SGCD: variants seen among roughly 807,000 people sequenced by gnomAD.
SGCD encodes the protein delta-sarcoglycan.
In SGCD, 18 loss-of-function variants were observed where a neutral mutation model predicts 36.6. The ratio of observed to expected loss-of-function variants is 0.49; its 90% CI spans 0.34 to 0.73. SGCD has a LOEUF of 0.73. Among genes scored for constraint, SGCD ranks in the 30% least tolerant of loss-of-function variants. SGCD has a pLI of 0.01. For missense variants in SGCD, 387 were observed against 346.7 expected (o/e 1.12, Z -0.92); for synonymous variants, 133 against 130.6 (o/e 1.02, Z -0.12).
rs1176491034 is a variant in SGCD at position 156,053,548 on chromosome 5, C to T, written c.-281-64330C>T. ...AAATTAAGAATGTAAAGACTGCAAC[C>T]ACAGAACATTAAACTCCAAGTGCAG... is the stretch of plus-strand genomic sequence containing the variant. On this transcript the variant is annotated intron_variant, in intron 1 of 9. Coordinates refer to the SGCD transcript ENST00000517913. Among the ~76,000 whole-genome samples the T allele has an allele frequency of 1.4e-5, 2 of 145,898 alleles. 1 individual carries two copies. The highest frequency in any genetic ancestry group is 4.9e-5 in the African/African-American group (2 of 40,556).
At chr5:155,893,855 T>C (rs998046668) in intron 1 of SGCD, among the ~76,000 whole-genome samples, 1 of 152,248 alleles carries the variant, frequency 6.6e-6, no homozygotes, top group African/African-American at 2.4e-5. Flanking sequence ...ATTACATGCG[T>C]AGGCAATATG....
chr5:155,833,840 C>G, the SGCD span, among the ~76,000 whole-genome samples: 90,241 of 152,092 alleles, frequency 0.59, 28,290 homozygotes, highest in African/African-American at 0.79. Context: ...AATTTTAGAT[C>G]AGGTCAACCT....
intron 3 of SGCD, among the ~76,000 whole-genome samples, chr5:156,145,194 G>T (rs2127612319): frequency 6.6e-6 from 1 of 152,304 alleles, no homozygotes; most frequent in South Asian, 2.1e-4. Context: ...TAGTGAGTGA[G>T]TTCTCACAAG....
At chr5:156,326,028 A>AT (rs1179451892), upstream of SGCD, among the ~76,000 whole-genome samples, 4 of 152,230 alleles carry the variant, frequency 2.6e-5, no homozygotes, top group Non-Finnish European at 5.9e-5. Flanking sequence ...ATGGGGTGTG[A>AT]TTTTTGGAAG....
the SGCD span, among the ~76,000 whole-genome samples, chr5:155,801,597 G>T: frequency 6.6e-6 from 1 of 152,218 alleles, no homozygotes; most frequent in African/African-American, 2.4e-5. Flanking sequence ...AGAGGCAGAA[G>T]ACTGAGCTGG....
chr5:156,363,453 T>C (rs569102493), intron 3 of SGCD, among the ~76,000 whole-genome samples: 1 of 152,342 alleles, frequency 6.6e-6, no homozygotes, highest in Non-Finnish European at 1.5e-5. Flanking sequence ...TTTGGTATGC[T>C]CTCCTAAGTT....
At chr5:155,861,918 AG>A in the SGCD span, among the ~76,000 whole-genome samples, 1 of 152,306 alleles carries the variant, frequency 6.6e-6, no homozygotes, top group Non-Finnish European at 1.5e-5. Flanking sequence ...TGTGCTTTAC[AG>A]AAGAGTCCCA....
At chr5:156,251,159 A>G (rs1765566466) in intron 3 of SGCD, among the ~76,000 whole-genome samples, 1 of 152,272 alleles carries the variant, frequency 6.6e-6, no homozygotes, top group Admixed American at 6.5e-5. Context: ...CAAATACCAC[A>G]TTTCTTTTTT....
At chr5:156,490,485 ATC>A (rs1469537154) in intron 3 of SGCD, among the ~76,000 whole-genome samples, 8 of 53,130 alleles carry the variant, frequency 1.5e-4, no homozygotes, top group Admixed American at 1.1e-3. Flanking sequence ...AATGTAACAT[ATC>A]AAAAAAAAAA....
the SGCD span, among the ~76,000 whole-genome samples, chr5:155,776,215 T>C: frequency 1.3e-5 from 2 of 152,140 alleles, no homozygotes; most frequent in Non-Finnish European, 2.9e-5. Flanking sequence ...GGACGGCAAT[T>C]CTTTCTTGAT....
chr5:156,344,397 C>A, intron 2 of SGCD, 92 bp from the exon 3 acceptor site: 1 of 864,484 alleles, frequency 1.2e-6, no homozygotes, highest in Non-Finnish European at 1.8e-6. Context: ...CCAGCCATAT[C>A]TCTTCATCAG....
the SGCD span, among the ~76,000 whole-genome samples, chr5:155,851,022 T>A: frequency 0.88 from 133,893 of 152,212 alleles, 58,970 homozygotes; most frequent in East Asian, 0.99. Flanking sequence ...GGCATCCATT[T>A]TATCTGATTT....
At chr5:155,757,402 T>C in the SGCD span, among the ~76,000 whole-genome samples, 1 of 152,218 alleles carries the variant, frequency 6.6e-6, no homozygotes, top group Admixed American at 6.5e-5. Context: ...ACAGGCTAAA[T>C]GTTTTGCATA....
chr5:155,896,739 G>T (rs2113329042), intron 1 of SGCD, among the ~76,000 whole-genome samples: 1 of 152,206 alleles, frequency 6.6e-6, no homozygotes, highest in African/African-American at 2.4e-5. Context: ...TGTGCTCTCT[G>T]GCTCTCAAGG....
chr5:156,026,664 A>G (rs256630), intron 1 of SGCD, among the ~76,000 whole-genome samples: 56,174 of 152,044 alleles, frequency 0.37, 10,753 homozygotes, highest in East Asian at 0.46. Flanking sequence ...CCAATTCACA[A>G]TTGATACCAA....
chr5:156,603,901 A>G (rs918897509), intron 6 of SGCD, among the ~76,000 whole-genome samples: 2 of 152,058 alleles, frequency 1.3e-5, no homozygotes, highest in Non-Finnish European at 2.9e-5. Context: ...GTAAATGTCT[A>G]TTAGGTCCAT....
chr5:156,190,357 C>T (rs1019853994), intron 3 of SGCD, among the ~76,000 whole-genome samples: 4 of 152,026 alleles, frequency 2.6e-5, no homozygotes, highest in Admixed American at 2.6e-4. Context: ...ATAGATTCCC[C>T]ACCACCAAAA....
intron 3 of SGCD, among the ~76,000 whole-genome samples, chr5:156,139,663 T>C (rs763201541): frequency 2.0e-5 from 3 of 152,190 alleles, no homozygotes; most frequent in Non-Finnish European, 4.4e-5. Flanking sequence ...ATTCTATTCT[T>C]ATTCCTCTAT....
rs148845116 is a variant in SGCD, at chr5:156,402,542, G to A, written c.192+57865G>A. ...GAGTTTTACATAATTATTCAGAAGG[G>A]GGTGGGAAGAGGTATTACCAGTAAG... On this transcript the variant is annotated intron_variant, in intron 3 of 8. Transcript: ENST00000337851. Among the ~76,000 whole-genome samples the A allele has an allele frequency of 4.1e-3, 622 of 152,280 alleles. 3 individuals carry two copies. Among genetic ancestry groups the A allele is most frequent in the Non-Finnish European group, 6.0e-3 (409 of 68,012 alleles).
Sources: gnomAD v4.1 joint callset for allele counts (sites outside exome capture counted in the v4.1 genomes callset) on GRCh38, gnomAD v4.1.1 for gene constraint, MANE v1.5 for transcripts, NCBI Gene and HGNC (gene_info 2026-07-23, HGNC 2026-07-21) for gene names.